The following RPGR variants were observed in gnomAD, a reference collection of about 807,000 sequenced individuals.
RPGR encodes X-linked retinitis pigmentosa GTPase regulator.
A neutral mutation model predicts 56.3 loss-of-function variants in RPGR; 10 were observed. The observed-to-expected ratio is 0.18, with a 90% CI of 0.11 to 0.30. The LOEUF (loss-of-function observed/expected upper bound fraction) is 0.30, where lower values mean the gene tolerates loss of function less well. RPGR is among the 10% of genes least tolerant of loss of function. The probability of loss-of-function intolerance (pLI) is 1.00; values close to 1 mark genes in which losing one functional copy is unlikely to be tolerated. For synonymous variants in RPGR, 197 were observed against 212.9 expected, an observed-to-expected ratio of 0.93 and a Z score of 0.65; for missense variants, 538 against 590.9, an observed-to-expected ratio of 0.91 and a Z score of 0.93.
intron 11 of RPGR, among the ~76,000 whole-genome samples, chrX:38,295,347 A>G (rs1019717542): frequency 8.9e-6 from 1 of 112,472 alleles, no homozygotes; most frequent in East Asian, 2.8e-4. Context: ...AAGTCTGTGA[A>G]TGATTTAGAA....
intron 11 of RPGR, among the ~76,000 whole-genome samples, chrX:38,293,821 C>T (rs899794819): frequency 3.6e-5 from 4 of 111,563 alleles, no homozygotes; most frequent in Non-Finnish European, 5.7e-5. Flanking sequence ...ATGCCGGCCC[C>T]TCCTGTTTTG....
At chrX:38,284,842 T>TC (rs2067098675) in intron 15 of RPGR, 1 of 750,350 alleles carries the variant, frequency 1.3e-6, no homozygotes, top group Non-Finnish European at 1.6e-6. Flanking sequence ...AAAAAATACT[T>TC]CAAGTTTTAC....
chrX:38,285,191 T>C (rs1447254719), intron 15 of RPGR: 3 of 829,927 alleles, frequency 3.6e-6, no homozygotes, highest in East Asian at 9.5e-5. Flanking sequence ...AAAAATGGAA[T>C]GATTTGTATA....
intron 18 of RPGR, among the ~76,000 whole-genome samples, chrX:38,271,016 A>C (rs2147156685): frequency 8.9e-6 from 1 of 111,923 alleles, no homozygotes; most frequent in South Asian, 3.7e-4. Context: ...CATTTGATTT[A>C]GGCCCTTTGA....
At chrX:38,274,347 G>T (rs1348283957) in intron 17 of RPGR, among the ~76,000 whole-genome samples, 1 of 111,880 alleles carries the variant, frequency 8.9e-6, no homozygotes, top group African/African-American at 3.3e-5. Context: ...AGCCCTCGGG[G>T]GTAAATAACT....
chrX:38,305,182 G>A (rs1006776401), intron 7 of RPGR, among the ~76,000 whole-genome samples: 1 of 111,427 alleles, frequency 9.0e-6, no homozygotes, highest in Non-Finnish European at 1.9e-5. Flanking sequence ...TTGGGAGGAC[G>A]AGGCGGGTGG....
rs192155219 is a variant in RPGR, at chrX:38,318,427, G to A, written c.469+402C>T. Among the ~76,000 whole-genome samples, 12 of 110,546 alleles carry A rather than the reference G, an allele frequency of 1.1e-4. No individual in the cohort carries two copies. The East Asian group carries it at 1.7e-3, about 16-fold the overall frequency. ...GGGAGGGCAGAGAGGTACAATGACC[G>A]TTGCAAACCACATTTTAACAACATA... On this transcript the variant is annotated intron_variant, in intron 5 of 18. Coordinates refer to ENST00000642395, the MANE Select transcript of RPGR (RefSeq NM_000328.3).
intron 11 of RPGR, among the ~76,000 whole-genome samples, chrX:38,294,840 T>C (rs894330277): frequency 6.2e-5 from 7 of 112,143 alleles, no homozygotes; most frequent in African/African-American, 2.3e-4. Context: ...TTCCCTCTTT[T>C]CTTTTTCTTT....
At chrX:38,293,132 C>T (rs1317945612) in intron 11 of RPGR, among the ~76,000 whole-genome samples, 1 of 111,800 alleles carries the variant, frequency 8.9e-6, no homozygotes, top group African/African-American at 3.3e-5. Context: ...GTTCTTTCCA[C>T]TAAGTTAGAC....
chrX:38,303,689 ATCT>A (rs754345463), intron 8 of RPGR: 38 of 294,180 alleles, frequency 1.3e-4, no homozygotes, highest in Non-Finnish European at 2.1e-4. Flanking sequence ...TGGGCAGGTC[ATCT>A]TCTCTGAAAG....
rs1942516036 is a variant in RPGR at position 38,286,404 on chromosome X, TCCTTCTTCC to T, written c.1905+681_1905+689del. 2.5e-6 allele frequency: 2 copies of T among 799,224 alleles called. No individual in the cohort carries two copies. The highest frequency in any genetic ancestry group is 4.2e-5 in the African/African-American group (1 of 23,917). The allele number at this position is 799,224 out of a possible 1,213,427, so 65.9% of individuals were successfully genotyped here. On this transcript the variant is annotated intron_variant, in intron 15 of 18. Coordinates refer to ENST00000642395, the MANE Select transcript of RPGR (RefSeq NM_000328.3). ...CTTCCTCCCCTTCTTCCTCCCCTTC[TCCTTCTTCC>T]CCTTCTTCCTCCCCTTTCCCTTCTC...
chrX:38,300,072 C>T (rs1169493950), intron 9 of RPGR, among the ~76,000 whole-genome samples: 1 of 110,850 alleles, frequency 9.0e-6, no homozygotes, highest in East Asian at 2.8e-4. Flanking sequence ...GCCTCAGGAT[C>T]CCAAGAAGCT....
chrX:38,323,623 T>C lies in RPGR; in HGVS notation c.29-99A>G, dbSNP rs184818920. The C allele has an allele frequency of 1.6e-3, 1,472 of 936,694 alleles. 13 individuals carry two copies. The African/African-American group carries it at 0.026, about 16-fold the overall frequency. The allele number at this position is 936,694 out of a possible 1,213,427, so 77.2% of individuals were successfully genotyped here. Reference sequence around the variant, plus strand: ...TTATCCATACAAACCCCTTGTCTCATGACAGCTTTGCCCCCACTCTGGCAA... The same window carrying C: ...TTATCCATACAAACCCCTTGTCTCACGACAGCTTTGCCCCCACTCTGGCAA... On this transcript the variant is annotated intron_variant, in intron 1 of 18. Transcript: ENST00000642395.
intron 13 of RPGR, 52 bp downstream of exon 13, chrX:38,290,907 T>G: frequency 1.7e-6 from 1 of 577,483 alleles, no homozygotes; most frequent in Non-Finnish European, 2.7e-6. Context: ...TCCAAAAAAT[T>G]AACTTAAACT....
At chrX:38,282,975 T>C (rs1316884258) in intron 15 of RPGR, among the ~76,000 whole-genome samples, 1 of 111,981 alleles carries the variant, frequency 8.9e-6, no homozygotes, top group African/African-American at 3.2e-5. Flanking sequence ...ATGGGAACAA[T>C]AAAGAAGGAA....
chrX:38,293,815 C>T (rs2067332175), intron 11 of RPGR, among the ~76,000 whole-genome samples: 1 of 111,374 alleles, frequency 9.0e-6, no homozygotes, highest in African/African-American at 3.3e-5. Flanking sequence ...CTCTCTATGC[C>T]GGCCCCTCCT....
Position 38,291,414 on chromosome X carries a change from T to G in RPGR, c.1485A>C (p.Glu495Asp). The change falls in exon 12 of 19, where the codon GAA becomes GAC. Residue 495 changes from glutamate (E) to aspartate (D), a missense_variant. By Grantham distance (45) the Glu-to-Asp change is conservative. Around this residue, in one of 2 missense-constraint regions of RPGR, gnomAD observed 357 missense variants for 325.8 expected, o/e 1.10. Coordinates refer to ENST00000642395, the MANE Select transcript of RPGR (RefSeq NM_000328.3). ...TTACCATGTTTAAGATATCAGTAGTTTCTCCAAGGCTTTCTACAGTTGAAG... is the reference window on the plus strand; with the variant it reads ...TTACCATGTTTAAGATATCAGTAGTGTCTCCAAGGCTTTCTACAGTTGAAG... 1 of 1,152,554 alleles carries G rather than the reference T, an allele frequency of 8.7e-7. No individual in the cohort carries two copies. The highest frequency in any genetic ancestry group is 2.4e-4 in the Middle Eastern group (1 of 4,194). The allele number at this position is 1,152,554 out of a possible 1,213,427, so 95.0% of individuals were successfully genotyped here.
At position 38,287,196 on chromosome X, in the gene RPGR, T is replaced by C. The variant is rs1212278807; in HGVS notation, c.1803A>G (p.Ile601Met). 2 of 1,211,236 alleles carry C rather than the reference T, an allele frequency of 1.7e-6. No homozygotes were observed. Among genetic ancestry groups the C allele is most frequent in the South Asian group, 3.5e-5 (2 of 57,008 alleles). ...CATTTGCTTCTACCTCTTGCTCCTC[T>C]ATTCCATTTCCTTTTGAATCCTCTG... Residue 601 changes from isoleucine to methionine, a missense_variant, in exon 15 of 19, where the codon ATA (isoleucine) becomes ATG (methionine). Physicochemically the swap from Ile to Met is conservative, Grantham distance 10. This residue lies in a region of RPGR where 357 missense variants were observed against 325.8 expected (regional missense o/e 1.10). Transcript: ENST00000642395.
rs187271788 is a variant in RPGR at position 38,320,701 on chromosome X, T to A, written c.310+326A>T. ...TTGATGGGAATTATGCTCACTCACA[T>A]CAACAGCCTTCTGGGTGCCTTCCAC... On this transcript the variant is annotated intron_variant, in intron 4 of 18. Transcript: ENST00000642395. Among the ~76,000 whole-genome samples, 852 of 112,119 alleles carry A rather than the reference T, an allele frequency of 7.6e-3. 7 individuals are homozygous for A. The highest frequency in any genetic ancestry group is 0.026 in the African/African-American group (813 of 30,866).
Sources: allele counts gnomAD v4.1 joint callset (sites outside exome capture counted in the v4.1 genomes callset), GRCh38; gene constraint gnomAD v4.1.1; regional missense constraint gnomAD v4.1.1; transcripts MANE v1.5; gene names NCBI Gene and HGNC (gene_info 2026-07-23, HGNC 2026-07-21).